Variants in PLGRKT observed in about 807,000 individuals in gnomAD.
PLGRKT encodes plasminogen receptor with a C-terminal lysine.
PLGRKT carries 22 observed loss-of-function variants against 18.5 expected under a neutral mutation model. The ratio of observed to expected loss-of-function variants is 1.19; its 90% CI spans 0.85 to 1.70. The LOEUF (loss-of-function observed/expected upper bound fraction) is 1.70. Among genes scored for constraint, PLGRKT ranks in the 40% most tolerant of loss-of-function variants. The pLI is 0.00. For synonymous variants in PLGRKT, 72 were observed against 52.8 expected, an observed-to-expected ratio of 1.36 and a Z score of -1.58; for missense variants, 235 against 174.4, an observed-to-expected ratio of 1.35 and a Z score of -1.96.
At chr9:5,374,424 A>T (rs1165729087) in intron 3 of PLGRKT, among the ~76,000 whole-genome samples, 1 of 152,210 alleles carries the variant, frequency 6.6e-6, no homozygotes, top group South Asian at 2.1e-4. Context: ...TAGACAAGAC[A>T]TGGTCTTTAA....
chr9:5,426,713 C>T (rs147648168), intron 3 of PLGRKT, among the ~76,000 whole-genome samples: 1 of 152,294 alleles, frequency 6.6e-6, no homozygotes, highest in East Asian at 1.9e-4. Flanking sequence ...GCCCTGACTG[C>T]TCTTTAGCTG....
chr9:5,435,937 T>TC lies in PLGRKT; in HGVS notation c.-7+631dup, dbSNP rs559161815. Among the ~76,000 whole-genome samples the TC allele has an allele frequency of 1.8e-3, 280 of 152,294 alleles. 1 individual carries two copies. The highest frequency in any genetic ancestry group is 2.9e-3 in the Non-Finnish European group (198 of 68,026). ...CTTCAGTGACTTCCTTGTATTCTGA[T>TC]CAAGGATACACCTGGAGTTTCAGGG... On this transcript the variant is annotated intron_variant, in intron 2 of 5. Coordinates refer to ENST00000223864, the MANE Select transcript of PLGRKT (RefSeq NM_018465.4).
intron 3 of PLGRKT, among the ~76,000 whole-genome samples, chr9:5,386,636 AG>A (rs1817849559): frequency 6.6e-6 from 1 of 151,874 alleles, no homozygotes. Context: ...CTCCTGCCCC[AG>A]GGGAGCTCTC....
intron 3 of PLGRKT, among the ~76,000 whole-genome samples, chr9:5,364,219 A>T (rs1158075191): frequency 6.6e-6 from 1 of 152,214 alleles, no homozygotes; most frequent in African/African-American, 2.4e-5. Context: ...AGGCATCCAT[A>T]ATTTCTAAAG....
chr9:5,418,332 A>C lies in PLGRKT; in HGVS notation c.81+13565T>G. 3.2e-6 allele frequency: 2 copies of C among 623,146 alleles called. No homozygotes were observed. The highest frequency in any genetic ancestry group is 5.9e-6 in the Non-Finnish European group (2 of 336,690). The allele number at this position is 623,146 out of a possible 1,614,324, so 38.6% of individuals were successfully genotyped here. On this transcript the variant is annotated intron_variant, in intron 3 of 5. Coordinates refer to ENST00000223864, the MANE Select transcript of PLGRKT (RefSeq NM_018465.4). The surrounding 1 kb of genome is among the most constrained non-coding windows in gnomAD (Gnocchi z 4.2). ...TCATCACCAATGTGCTCAACCCCTA[A>C]GTTGGCACCCACAAGAGACTTCCCT... is the stretch of plus-strand genomic sequence containing the variant.
intron 3 of PLGRKT, among the ~76,000 whole-genome samples, chr9:5,398,592 C>A (rs1312614060): frequency 6.6e-6 from 1 of 151,754 alleles, no homozygotes; most frequent in Non-Finnish European, 1.5e-5. Flanking sequence ...TTTGATAAAG[C>A]TACAAACATC....
In PLGRKT at chr9:5,387,981, G is replaced by A. The variant is rs570811022; in HGVS notation, c.82-26093C>T. Among the ~76,000 whole-genome samples the A allele has an allele frequency of 9.2e-5, 14 of 151,938 alleles. No homozygotes were observed. The East Asian group carries it at 2.3e-3, about 25-fold the overall frequency. ...AGCTGAAATGATTTTCTGATGGACT[G>A]GATATAGGTGACATGATGTGTCAAG... is the stretch of plus-strand genomic sequence containing the variant. On this transcript the variant is annotated intron_variant, in intron 3 of 5. Coordinates refer to ENST00000223864, the MANE Select transcript of PLGRKT (RefSeq NM_018465.4).
chr9:5,432,444 T>A (rs1322772390), intron 2 of PLGRKT, among the ~76,000 whole-genome samples: 1 of 152,222 alleles, frequency 6.6e-6, no homozygotes, highest in African/African-American at 2.4e-5. Context: ...TAAGAACATA[T>A]TTCTTTGTGC....
At chr9:5,386,408 G>A (rs1817843921) in intron 3 of PLGRKT, among the ~76,000 whole-genome samples, 1 of 151,854 alleles carries the variant, frequency 6.6e-6, no homozygotes, top group Admixed American at 6.6e-5. Flanking sequence ...GGACACTTAT[G>A]ATTGTCACAA....
chr9:5,376,099 A>G (rs1817621871), intron 3 of PLGRKT, among the ~76,000 whole-genome samples: 1 of 152,246 alleles, frequency 6.6e-6, no homozygotes, highest in South Asian at 2.1e-4. Flanking sequence ...AAACAATCAC[A>G]AAAGAACAAA....
chr9:5,408,920 G>A (rs1388506514), intron 3 of PLGRKT, among the ~76,000 whole-genome samples: 1 of 152,262 alleles, frequency 6.6e-6, no homozygotes, highest in African/African-American at 2.4e-5. Context: ...CTGCTTCAGA[G>A]GGTGCAAGCT....
chr9:5,402,247 T>C (rs1280304168), intron 3 of PLGRKT, among the ~76,000 whole-genome samples: 1 of 151,916 alleles, frequency 6.6e-6, no homozygotes, highest in Non-Finnish European at 1.5e-5. Flanking sequence ...CAAAAGAGTT[T>C]AACAGAGAAG....
At chr9:5,403,410 A>G (rs1382777761) in intron 3 of PLGRKT, among the ~76,000 whole-genome samples, 2 of 152,014 alleles carry the variant, frequency 1.3e-5, no homozygotes, top group East Asian at 1.9e-4. Flanking sequence ...TTTTTAGTAG[A>G]AACGGGGTTT....
chr9:5,434,859 C>T (rs893618227), intron 2 of PLGRKT, among the ~76,000 whole-genome samples: 2 of 151,646 alleles, frequency 1.3e-5, no homozygotes, highest in African/African-American at 2.4e-5. Context: ...ATGACGATGG[C>T]GGTTTTGTCG....
At chr9:5,396,078 G>C (rs144650094) in intron 3 of PLGRKT, among the ~76,000 whole-genome samples, 2 of 151,298 alleles carry the variant, frequency 1.3e-5, no homozygotes, top group Non-Finnish European at 2.9e-5. Context: ...AGTTTTAGTA[G>C]AGACGGGGTT....
Position 5,363,740 on chromosome 9 carries a change from AC to A in PLGRKT, c.82-1853del, listed in dbSNP as rs1817320106. ...TCACCTGGACCCAAGCCTAGGTCATACCAGGGAAAAGATGAACGGAGAAGGG... is the reference window on the plus strand; with the variant it reads ...TCACCTGGACCCAAGCCTAGGTCATACAGGGAAAAGATGAACGGAGAAGGG... On this transcript the variant is annotated intron_variant, in intron 3 of 5. Coordinates refer to ENST00000223864, the MANE Select transcript of PLGRKT (RefSeq NM_018465.4). Among the ~76,000 whole-genome samples the A allele has an allele frequency of 8.5e-5, 13 of 152,328 alleles. No individual in the cohort carries two copies. In the South Asian group the frequency reaches 2.7e-3, roughly 32 times the overall value.
chr9:5,429,305 G>T (rs1433850684), intron 3 of PLGRKT, among the ~76,000 whole-genome samples: 2 of 152,208 alleles, frequency 1.3e-5, no homozygotes, highest in Admixed American at 6.5e-5. Context: ...TCACTATGAA[G>T]CTCCAGTGAG....
chr9:5,385,471 G>A (rs773280472), intron 3 of PLGRKT, among the ~76,000 whole-genome samples: 1 of 151,478 alleles, frequency 6.6e-6, no homozygotes, highest in Admixed American at 6.6e-5. Context: ...CTCAGCTACC[G>A]CGCCTGGCCA....
chr9:5,420,254 G>A (rs10121219), intron 3 of PLGRKT, among the ~76,000 whole-genome samples: 111,035 of 152,040 alleles, frequency 0.73, 40,749 homozygotes, highest in Non-Finnish European at 0.76. Flanking sequence ...GAGAGGAGGA[G>A]TTGGAAGTGA....
Sources: allele counts gnomAD v4.1 joint callset (sites outside exome capture counted in the v4.1 genomes callset), GRCh38; gene constraint gnomAD v4.1.1; non-coding constraint Gnocchi (gnomAD v3.1); transcripts MANE v1.5; gene names NCBI Gene and HGNC (gene_info 2026-07-23, HGNC 2026-07-21).